Variants in TRAK2 observed in about 807,000 individuals in gnomAD.
The protein encoded by TRAK2 is trafficking kinesin-binding protein 2.
TRAK2 carries 81 observed loss-of-function variants against 104.6 expected under a neutral mutation model. The observed-to-expected ratio is 0.77, with a 90% CI of 0.65 to 0.93. The LOEUF is 0.93. TRAK2 is among the 40% of genes least tolerant of loss of function. TRAK2 has a pLI of 0.00. For missense variants in TRAK2, 1,002 were observed against 1,089.0 expected, an observed-to-expected ratio of 0.92 and a Z score of 1.12; for synonymous variants, 406 against 394.4, an observed-to-expected ratio of 1.03 and a Z score of -0.35.
chr2:201,443,615 T>C (rs1466882744), intron 1 of TRAK2, among the ~76,000 whole-genome samples: 3 of 152,158 alleles, frequency 2.0e-5, no homozygotes. Context: ...TCCACTCAAA[T>C]TTCCCACAGG....
chr2:201,429,481 C>T (rs975299227), intron 1 of TRAK2, among the ~76,000 whole-genome samples: 3 of 152,200 alleles, frequency 2.0e-5, no homozygotes, highest in Admixed American at 6.5e-5. Flanking sequence ...CCATTCTCCC[C>T]GTCACTTTCA....
intron 1 of TRAK2, among the ~76,000 whole-genome samples, chr2:201,439,965 A>G (rs1303591819): frequency 6.8e-6 from 1 of 146,520 alleles, no homozygotes; most frequent in Non-Finnish European, 1.5e-5. Context: ...GGATAGCATT[A>G]GGAGATATAC....
At position 201,397,501 on chromosome 2, in the gene TRAK2, C is replaced by T. The variant is rs753850687; in HGVS notation, c.769+1G>A. The T allele has an allele frequency of 1.9e-6, 3 of 1,608,766 alleles. No homozygotes were observed. The highest frequency in any genetic ancestry group is 2.7e-5 in the African/African-American group (2 of 74,702). ...ACAAAAGAGAATATGTTAATACTCA[C>T]GAAGTTCTTTAACACAGTCGCTGAC... is the stretch of plus-strand genomic sequence containing the variant. On this transcript the variant is annotated splice_donor_variant, in intron 7 of 15. Transcript: ENST00000332624. LOFTEE classifies it high-confidence loss of function.
intron 2 of TRAK2, among the ~76,000 whole-genome samples, chr2:201,419,726 T>C (rs1479464855): frequency 2.0e-5 from 3 of 151,556 alleles, no homozygotes; most frequent in Non-Finnish European, 2.9e-5. Flanking sequence ...CCTCCAATGA[T>C]AATAAATTAA....
Position 201,412,350 on chromosome 2 carries a change from C to A in TRAK2, c.92-4753G>T, listed in dbSNP as rs1156805971. 6.0e-6 allele frequency: 8 copies of A among 1,338,686 alleles called. No individual in the cohort carries two copies. The East Asian group carries it at 1.8e-4, about 31-fold the overall frequency. 82.9% of individuals were successfully genotyped at this position (1,338,686 alleles called of 1,614,324 possible). A position where few individuals can be genotyped will look rare whatever the true frequency, so the allele number is the denominator to read the frequency against. ...CATCATCAAAGAAGGGAATCTTTGTCATTTGATCTGCATCTGGTCTTACAG... is the reference window on the plus strand; with the variant it reads ...CATCATCAAAGAAGGGAATCTTTGTAATTTGATCTGCATCTGGTCTTACAG... On this transcript the variant is annotated intron_variant, in intron 2 of 15. Coordinates refer to ENST00000332624, the MANE Select transcript of TRAK2 (RefSeq NM_015049.3).
rs184138949 is a variant in TRAK2 at position 201,431,022 on chromosome 2, C to T, written c.-199-10316G>A. Among the ~76,000 whole-genome samples the T allele has an allele frequency of 4.3e-4, 66 of 152,288 alleles. 1 individual carries two copies. Among genetic ancestry groups the T allele is most frequent in the African/African-American group, 1.3e-3 (56 of 41,568 alleles). On this transcript the variant is annotated intron_variant, in intron 1 of 15. Transcript: ENST00000332624. ...CCAACTGTGTACCCAGAATGACTAC[C>T]ACGTTTAAGTATGGAGTAGATGCGG...
At chr2:201,431,848 C>T (rs1186302044) in intron 1 of TRAK2, among the ~76,000 whole-genome samples, 1 of 152,158 alleles carries the variant, frequency 6.6e-6, no homozygotes, top group Non-Finnish European at 1.5e-5. Context: ...GGACAAATTA[C>T]TTGACCTCAT....
intron 9 of TRAK2, among the ~76,000 whole-genome samples, chr2:201,394,467 G>A (rs1349186453): frequency 6.6e-6 from 1 of 151,336 alleles, no homozygotes; most frequent in Non-Finnish European, 1.5e-5. Context: ...TCGCCTCCTG[G>A]GTAGCTGGGA....
intron 2 of TRAK2, chr2:201,412,597 A>G (rs892492270): frequency 6.7e-7 from 1 of 1,486,130 alleles, no homozygotes; most frequent in Non-Finnish European, 9.4e-7. Context: ...GCTCACATAA[A>G]GTATGTATTC....
At chr2:201,399,337 C>T (rs1951528939) in intron 5 of TRAK2, 40 bp downstream of exon 5, 1 of 1,406,630 alleles carries the variant, frequency 7.1e-7, no homozygotes, top group Non-Finnish European at 1.0e-6. Flanking sequence ...TGCATAAAAC[C>T]TAATTATTTC....
At chr2:201,421,857 T>C (rs1256919515) in intron 1 of TRAK2, among the ~76,000 whole-genome samples, 7 of 152,094 alleles carry the variant, frequency 4.6e-5, no homozygotes, top group African/African-American at 9.6e-5. Flanking sequence ...CAGACCAGCC[T>C]AGCCAACATG....
chr2:201,411,632 C>A, intron 2 of TRAK2: 1 of 806,206 alleles, frequency 1.2e-6, no homozygotes, highest in Non-Finnish European at 2.2e-6. Context: ...TTCCAGTCAG[C>A]TGCTCTTTGG....
intron 10 of TRAK2, among the ~76,000 whole-genome samples, chr2:201,391,895 A>T (rs1258757449): frequency 6.6e-6 from 1 of 152,172 alleles, no homozygotes; most frequent in African/African-American, 2.4e-5. Flanking sequence ...GAAACAACAA[A>T]ATTCAATGTA....
chr2:201,389,603 G>A, intron 11 of TRAK2, 100 bp from the exon 12 acceptor site: 4 of 1,206,554 alleles, frequency 3.3e-6, no homozygotes, highest in Non-Finnish European at 4.8e-6. Flanking sequence ...GCCACCCTGA[G>A]GAGCTATTTA....
rs202003857 is a variant in TRAK2 at position 201,381,019 on chromosome 2, T to C, written c.2269A>G (p.Ser757Gly). Reference sequence around the variant, plus strand: ...TGGAGGGGGTTCTCTGAAATTGGGCTGTGGTACACTTTGGCAGAGATGCCT... The same window carrying C: ...TGGAGGGGGTTCTCTGAAATTGGGCCGTGGTACACTTTGGCAGAGATGCCT... ...ERGISAKVYH[S>G]PISENPLQPL... The change falls in exon 16 of 16, where the codon AGC becomes GGC. Residue 757 changes from serine to glycine, a missense_variant. By Grantham distance (56) the Ser-to-Gly change is moderately conservative (BLOSUM62 0). Transcript: ENST00000332624. The C allele has an allele frequency of 6.2e-7, 1 of 1,614,168 alleles. No individual in the cohort carries two copies. The highest frequency in any genetic ancestry group is 8.5e-7 in the Non-Finnish European group (1 of 1,180,012).
chr2:201,438,306 G>A (rs1951893812), intron 1 of TRAK2, among the ~76,000 whole-genome samples: 1 of 152,210 alleles, frequency 6.6e-6, no homozygotes, highest in Admixed American at 6.5e-5. Flanking sequence ...CAAATGAAAT[G>A]CATATGATAA....
rs367645139 is a variant in TRAK2 at position 201,394,765 on chromosome 2, C to G, written c.975+33G>C. On this transcript the variant is annotated intron_variant, in intron 9 of 15. Transcript: ENST00000332624. The stretch of plus-strand genomic sequence containing the variant: ...TGAAAGAAACTAGTCACTCTTTCCC[C>G]TCCTGAATTACACAAGATAAAGATT... 7 of 1,564,958 alleles carry G rather than the reference C, an allele frequency of 4.5e-6. No homozygotes were observed. In the South Asian group the frequency reaches 7.9e-5, roughly 18 times the overall value.
rs535496011 is a variant in TRAK2, at chr2:201,447,172, C to T, written c.-200+4178G>A. Among the ~76,000 whole-genome samples the T allele has an allele frequency of 3.2e-4, 48 of 152,348 alleles. No homozygotes were observed. In the South Asian group the frequency reaches 5.4e-3, roughly 17 times the overall value. ...AATGCTTTTCCACTGCTACAAACCA[C>T]CTCCATCCCATCTTCCTTAGGATAA... On this transcript the variant is annotated intron_variant, in intron 1 of 15. Transcript: ENST00000332624. This position sits in a 1 kb window ranked among gnomAD's most constrained non-coding sequence, Gnocchi z 4.1.
intron 1 of TRAK2, among the ~76,000 whole-genome samples, chr2:201,426,144 G>A (rs993462546): frequency 2.0e-5 from 3 of 152,176 alleles, no homozygotes; most frequent in African/African-American, 7.2e-5. Context: ...GCAGGAGGTG[G>A]GTAAGTGAAG....
Sources: allele counts gnomAD v4.1 joint callset (sites outside exome capture counted in the v4.1 genomes callset), GRCh38; gene constraint gnomAD v4.1.1; non-coding constraint Gnocchi (gnomAD v3.1); transcripts MANE v1.5; gene names NCBI Gene and HGNC (gene_info 2026-07-23, HGNC 2026-07-21).